TMC1: variants seen among roughly 807,000 people sequenced by gnomAD.
The protein encoded by TMC1 is transmembrane channel like 1.
In TMC1, 84 loss-of-function variants were observed where a neutral mutation model predicts 105.8. That is an observed-to-expected ratio of 0.79 (90% CI 0.67 to 0.95). TMC1 has a LOEUF of 0.95. Among genes scored for constraint, TMC1 ranks in the 40% least tolerant of loss-of-function variants. The pLI is 0.00. For missense variants in TMC1, 817 were observed against 914.1 expected, an observed-to-expected ratio of 0.89 and a Z score of 1.37; for synonymous variants, 315 against 311.5, an observed-to-expected ratio of 1.01 and a Z score of -0.12.
chr9:72,777,882 G>T (rs914776841), intron 13 of TMC1, among the ~76,000 whole-genome samples: 1 of 152,234 alleles, frequency 6.6e-6, no homozygotes, highest in African/African-American at 2.4e-5. Context: ...AATTTATGCT[G>T]TATGTATTTA....
intron 8 of TMC1, among the ~76,000 whole-genome samples, chr9:72,716,544 G>T (rs182616205): frequency 8.5e-4 from 130 of 152,240 alleles, no homozygotes; most frequent in African/African-American, 2.9e-3. Context: ...GAACTTCCTG[G>T]CAACTTTGTG....
intron 1 of TMC1, among the ~76,000 whole-genome samples, chr9:72,562,559 CA>C (rs1824075564): frequency 6.6e-6 from 1 of 152,134 alleles, no homozygotes; most frequent in African/African-American, 2.4e-5. Flanking sequence ...GTTTGATTCA[CA>C]AGCATTTGAA....
intron 2 of TMC1, among the ~76,000 whole-genome samples, chr9:72,610,240 A>G (rs1825001914): frequency 6.6e-6 from 1 of 152,192 alleles, no homozygotes; most frequent in African/African-American, 2.4e-5. Flanking sequence ...AAAGAAGATT[A>G]TATTAGTCAG....
At chr9:72,673,303 A>AG (rs11421685) in intron 5 of TMC1, among the ~76,000 whole-genome samples, 85,129 of 151,922 alleles carry the variant, frequency 0.56, 25,175 homozygotes, top group African/African-American at 0.77. Context: ...TAGAAAAACA[A>AG]AACAAATAAA....
chr9:72,831,230 G>T (rs765232175), intron 23 of TMC1, among the ~76,000 whole-genome samples: 4 of 152,140 alleles, frequency 2.6e-5, no homozygotes, highest in Non-Finnish European at 4.4e-5. Context: ...CCCACGGAAA[G>T]GTGATACCTA....
intron 2 of TMC1, among the ~76,000 whole-genome samples, chr9:72,592,078 A>G (rs1824648447): frequency 6.6e-6 from 1 of 152,104 alleles, no homozygotes; most frequent in South Asian, 2.1e-4. Context: ...CGAGCAAAAA[A>G]ACCATCTGAT....
At chr9:72,590,931 A>T (rs540183356) in intron 2 of TMC1, among the ~76,000 whole-genome samples, 1 of 152,310 alleles carries the variant, frequency 6.6e-6, no homozygotes, top group Admixed American at 6.5e-5. Context: ...AGGTTGGGAA[A>T]GGCTTTCCTG....
rs1826541201 is a variant in TMC1, at chr9:72,695,831, T to C, written c.236+1117T>C. On this transcript the variant is annotated intron_variant, in intron 7 of 23. Transcript: ENST00000297784. The stretch of plus-strand genomic sequence containing the variant: ...TCTTCCCCAGCTTTTCCTTTCTCCC[T>C]TTTGAATACCAAGACAAAACTTGCT... 3.9e-5 allele frequency among the ~76,000 whole-genome samples: 6 copies of C among 152,318 alleles called. No individual in the cohort carries two copies. In the South Asian group the frequency reaches 1.2e-3, roughly 32 times the overall value.
chr9:72,653,320 T>A (rs1429083212), intron 5 of TMC1, among the ~76,000 whole-genome samples: 1 of 152,166 alleles, frequency 6.6e-6, no homozygotes, highest in Non-Finnish European at 1.5e-5. Flanking sequence ...TTAGGAACAT[T>A]GACACATTTG....
intron 2 of TMC1, chr9:72,616,131 C>G (rs1825124137): frequency 6.6e-6 from 1 of 152,176 alleles, no homozygotes; most frequent in South Asian, 2.1e-4. Flanking sequence ...ATTCCTCTGT[C>G]ATATATGGGA....
intron 4 of TMC1, among the ~76,000 whole-genome samples, chr9:72,639,824 TC>T (rs1161916378): frequency 1.8e-4 from 27 of 152,310 alleles, no homozygotes; most frequent in South Asian, 1.2e-3. Flanking sequence ...AATTTAATTT[TC>T]TGTTACTTAC....
At chr9:72,700,741 T>TACAC (rs1256344062) in intron 8 of TMC1, 98 bp downstream of exon 8, 10 of 149,672 alleles carry the variant, frequency 6.7e-5, no homozygotes, top group African/African-American at 5.5e-4. Context: ...TATATATATA[T>TACAC]ATACACACAC....
At chr9:72,662,594 C>T (rs1825984772) in intron 5 of TMC1, among the ~76,000 whole-genome samples, 1 of 151,946 alleles carries the variant, frequency 6.6e-6, no homozygotes, top group African/African-American at 2.4e-5. Context: ...CAGATCTCAT[C>T]TTTTATATTT....
chr9:72,731,229 T>C (rs1432708628), intron 8 of TMC1, among the ~76,000 whole-genome samples: 2 of 152,160 alleles, frequency 1.3e-5, no homozygotes, highest in African/African-American at 4.8e-5. Context: ...TACTGGGAAA[T>C]TAGTACAAAA....
At chr9:72,781,348 C>A (rs1228601664) in intron 13 of TMC1, among the ~76,000 whole-genome samples, 2 of 152,080 alleles carry the variant, frequency 1.3e-5, no homozygotes, top group African/African-American at 4.8e-5. Flanking sequence ...GCACTAAACA[C>A]CCACATCAAA....
chr9:72,583,005 G>C (rs1824498001), intron 2 of TMC1, among the ~76,000 whole-genome samples: 1 of 152,160 alleles, frequency 6.6e-6, no homozygotes, highest in Non-Finnish European at 1.5e-5. Context: ...CGGATCACTT[G>C]AGGTCAGGAG....
At chr9:72,612,615 G>C (rs568882213) in intron 2 of TMC1, among the ~76,000 whole-genome samples, 57 of 152,206 alleles carry the variant, frequency 3.7e-4, no homozygotes, top group African/African-American at 1.1e-3. Context: ...GAATGTAGCT[G>C]TGTTTCAATA....
chr9:72,546,253 A>G (rs970691736), intron 1 of TMC1, among the ~76,000 whole-genome samples: 1 of 152,162 alleles, frequency 6.6e-6, no homozygotes, highest in African/African-American at 2.4e-5. Context: ...AGATCATAAC[A>G]CTGTAATCCA....
chr9:72,796,637 A>G (rs1007445366), intron 17 of TMC1, among the ~76,000 whole-genome samples: 1 of 152,232 alleles, frequency 6.6e-6, no homozygotes, highest in African/African-American at 2.4e-5. Context: ...GATTATCTCC[A>G]TAGATGCAGA....
Sources: gnomAD v4.1 joint callset for allele counts (sites outside exome capture counted in the v4.1 genomes callset) on GRCh38, gnomAD v4.1.1 for gene constraint, MANE v1.5 for transcripts, NCBI Gene and HGNC (gene_info 2026-07-23, HGNC 2026-07-21) for gene names.